The following GRM1 variants were observed in gnomAD, a reference collection of about 807,000 sequenced individuals.
The protein encoded by GRM1 is metabotropic glutamate receptor 1.
In GRM1, 33 loss-of-function variants were observed where a neutral mutation model predicts 90.9. That is an observed-to-expected ratio of 0.36 (90% CI 0.28 to 0.49). GRM1 has a LOEUF of 0.49. Ranked by LOEUF, GRM1 falls within the 20% of genes least tolerant of loss-of-function variation. The pLI is 0.99. For synonymous variants in GRM1, 700 were observed against 613.2 expected, an observed-to-expected ratio of 1.14 and a Z score of -2.09; for missense variants, 1,190 against 1,534.3, an observed-to-expected ratio of 0.78 and a Z score of 3.75.
At chr6:146,343,807 T>C (rs1785072594) in intron 3 of GRM1, among the ~76,000 whole-genome samples, 1 of 152,044 alleles carries the variant, frequency 6.6e-6, no homozygotes, top group Non-Finnish European at 1.5e-5. Flanking sequence ...TTGTTTACTT[T>C]CTGGCACTAC....
chr6:146,126,291 A>C (rs1050214328), intron 1 of GRM1, among the ~76,000 whole-genome samples: 3 of 152,146 alleles, frequency 2.0e-5, no homozygotes, highest in African/African-American at 7.2e-5. Flanking sequence ...ATATTTCTAA[A>C]GTAGAGAAAA....
At chr6:146,303,621 A>G (rs1583297932) in intron 2 of GRM1, among the ~76,000 whole-genome samples, 1 of 152,152 alleles carries the variant, frequency 6.6e-6, no homozygotes, top group African/African-American at 2.4e-5. Flanking sequence ...GTGGGATGGC[A>G]GGAGTCTAAT....
intron 2 of GRM1, among the ~76,000 whole-genome samples, chr6:146,184,661 A>C (rs993710060): frequency 1.1e-4 from 16 of 152,208 alleles, no homozygotes; most frequent in Admixed American, 2.6e-4. Context: ...GCTATGCTGC[A>C]ATAAAAAACA....
chr6:146,427,773 G>A (rs1237616100), intron 7 of GRM1, among the ~76,000 whole-genome samples: 1 of 152,202 alleles, frequency 6.6e-6, no homozygotes, highest in Non-Finnish European at 1.5e-5. Flanking sequence ...ACTGTGGCTG[G>A]ATGAATTCTC....
chr6:146,150,927 C>CACGT (rs1491103337), intron 1 of GRM1, among the ~76,000 whole-genome samples: 3 of 87,196 alleles, frequency 3.4e-5, no homozygotes, highest in Admixed American at 2.7e-4. Flanking sequence ...AACACACACA[C>CACGT]GCGTGTGCGC....
intron 2 of GRM1, among the ~76,000 whole-genome samples, chr6:146,270,912 T>TCTTTCTTTCTTCCTTCCTTCCTTC: frequency 1.2e-5 from 1 of 86,864 alleles, no homozygotes; most frequent in African/African-American, 5.6e-5. Flanking sequence ...TTTCTTTCTT[T>TCTTTCTTTCTTCCTTCCTTCCTTC]CTTCCTTCCT....
At chr6:146,042,920 C>A (rs1398239853) in intron 1 of GRM1, among the ~76,000 whole-genome samples, 2 of 151,918 alleles carry the variant, frequency 1.3e-5, no homozygotes. Context: ...ATCCTTTATC[C>A]AGATCCTCTC....
At chr6:146,363,736 C>A (rs1273671171) in intron 5 of GRM1, among the ~76,000 whole-genome samples, 1 of 152,140 alleles carries the variant, frequency 6.6e-6, no homozygotes, top group Non-Finnish European at 1.5e-5. Flanking sequence ...AGGAGAAAAA[C>A]AACTTTAATA....
intron 1 of GRM1, among the ~76,000 whole-genome samples, chr6:146,135,170 G>A (rs1194093080): frequency 6.6e-6 from 1 of 152,078 alleles, no homozygotes; most frequent in Non-Finnish European, 1.5e-5. Context: ...TTACTATTAT[G>A]GCCATTTTAT....
intron 2 of GRM1, among the ~76,000 whole-genome samples, chr6:146,179,548 T>C (rs1480890290): frequency 2.0e-5 from 3 of 152,186 alleles, no homozygotes; most frequent in Non-Finnish European, 4.4e-5. Context: ...GAGTTTCGCT[T>C]TGTCGCCCAG....
At chr6:146,068,513 T>C (rs1775923410) in intron 1 of GRM1, among the ~76,000 whole-genome samples, 1 of 151,200 alleles carries the variant, frequency 6.6e-6, no homozygotes, top group Non-Finnish European at 1.5e-5. Flanking sequence ...AAAACTAAAA[T>C]CTGTCCACAA....
At chr6:146,078,213 C>T (rs1776251436) in intron 1 of GRM1, among the ~76,000 whole-genome samples, 1 of 152,132 alleles carries the variant, frequency 6.6e-6, no homozygotes, top group Non-Finnish European at 1.5e-5. Context: ...TTGACAGCAT[C>T]TTCATTATTA....
At chr6:146,384,828 G>A (rs1776442650) in intron 5 of GRM1, among the ~76,000 whole-genome samples, 1 of 151,956 alleles carries the variant, frequency 6.6e-6, no homozygotes, top group Non-Finnish European at 1.5e-5. Context: ...AAGTTATACA[G>A]CTGAAAAATA....
intron 2 of GRM1, among the ~76,000 whole-genome samples, chr6:146,165,205 A>G (rs976762564): frequency 1.3e-5 from 2 of 152,140 alleles, no homozygotes; most frequent in Non-Finnish European, 2.9e-5. Flanking sequence ...TGGAAAGAAG[A>G]CTACAGTTTC....
chr6:146,121,285 C>A (rs1327664439), intron 1 of GRM1, among the ~76,000 whole-genome samples: 1 of 152,080 alleles, frequency 6.6e-6, no homozygotes, highest in African/African-American at 2.4e-5. Context: ...GTGGTGCTAT[C>A]CCCTTTATCA....
At chr6:146,068,807 A>C (rs1410398379) in intron 1 of GRM1, among the ~76,000 whole-genome samples, 1 of 152,220 alleles carries the variant, frequency 6.6e-6, no homozygotes, top group Admixed American at 6.5e-5. Flanking sequence ...TACTTATCTG[A>C]ACAAAATAAA....
At chr6:146,350,687 T>C (rs1404878512) in intron 3 of GRM1, among the ~76,000 whole-genome samples, 2 of 152,192 alleles carry the variant, frequency 1.3e-5, no homozygotes, top group Non-Finnish European at 2.9e-5. Context: ...GCTACTCTGT[T>C]TAAATGAATC....
chr6:146,199,115 ATT>A (rs1779216464), intron 2 of GRM1, among the ~76,000 whole-genome samples: 1 of 152,116 alleles, frequency 6.6e-6, no homozygotes, highest in Admixed American at 6.5e-5. Context: ...CCATTGGACA[ATT>A]TTTGTGATAC....
intron 1 of GRM1, among the ~76,000 whole-genome samples, chr6:146,054,111 A>C (rs1775399082): frequency 6.6e-6 from 1 of 152,208 alleles, no homozygotes; most frequent in Non-Finnish European, 1.5e-5. Context: ...TAAATTACAG[A>C]ACCTTGATAT....
Sources: allele counts gnomAD v4.1 joint callset (sites outside exome capture counted in the v4.1 genomes callset), GRCh38; gene constraint gnomAD v4.1.1; transcripts MANE v1.5; gene names NCBI Gene and HGNC (gene_info 2026-07-23, HGNC 2026-07-21).